The following TRIM2 variants were observed in gnomAD, a reference collection of about 807,000 sequenced individuals.
TRIM2 encodes tripartite motif containing 2, also known as tripartite motif-containing protein 2.
A neutral mutation model predicts 75.2 loss-of-function variants in TRIM2; 20 were observed. That is an observed-to-expected ratio of 0.27 (90% CI 0.19 to 0.39). The LOEUF is 0.39. TRIM2 is among the 10% of genes least tolerant of loss of function. The pLI, the probability that TRIM2 is intolerant of heterozygous loss-of-function variation, is 1.00. For synonymous variants in TRIM2, 373 were observed against 388.3 expected (o/e 0.96, Z 0.46); for missense variants, 660 against 990.8 (o/e 0.67, Z 4.48).
At chr4:153,168,169 A>G (rs1730499357) in intron 1 of TRIM2, among the ~76,000 whole-genome samples, 1 of 152,132 alleles carries the variant, frequency 6.6e-6, no homozygotes, top group African/African-American at 2.4e-5. Flanking sequence ...ACATTAGGGA[A>G]TTGGTTAAAT....
intron 1 of TRIM2, among the ~76,000 whole-genome samples, chr4:153,193,321 C>T (rs1338268896): frequency 1.3e-5 from 2 of 151,796 alleles, no homozygotes; most frequent in Non-Finnish European, 1.5e-5. Flanking sequence ...TTAGTAGAGA[C>T]AGGGTTTCAC....
intron 10 of TRIM2, among the ~76,000 whole-genome samples, chr4:153,324,794 C>A (rs994352716): frequency 1.3e-5 from 2 of 152,174 alleles, no homozygotes; most frequent in African/African-American, 4.8e-5. Context: ...CTAGATCAGG[C>A]TTCTCAAGGT....
Position 153,186,078 on chromosome 4 carries a change from C to T in TRIM2, c.-49+32808C>T, listed in dbSNP as rs538326822. Among the ~76,000 whole-genome samples, 53 of 152,192 alleles carry T rather than the reference C, an allele frequency of 3.5e-4. No individual in the cohort carries two copies. The South Asian group carries it at 9.7e-3, about 28-fold the overall frequency. Reference sequence around the variant, plus strand: ...AAGGTGGGGGAAATGCTACTGGTATCGAGTGGGTAGAGGCCAGGGAGGCTG... The same window carrying T: ...AAGGTGGGGGAAATGCTACTGGTATTGAGTGGGTAGAGGCCAGGGAGGCTG... On this transcript the variant is annotated intron_variant, in intron 1 of 11. Coordinates refer to the TRIM2 transcript ENST00000437508.
intron 3 of TRIM2, among the ~76,000 whole-genome samples, chr4:153,283,387 A>G (rs1444268535): frequency 6.6e-6 from 1 of 152,128 alleles, no homozygotes; most frequent in African/African-American, 2.4e-5. Flanking sequence ...GTATATTAGT[A>G]CTCTTTTTAA....
chr4:153,214,402 A>G (rs1453030805), intron 1 of TRIM2, among the ~76,000 whole-genome samples: 2 of 152,208 alleles, frequency 1.3e-5, no homozygotes, highest in Admixed American at 6.5e-5. Flanking sequence ...TCCATTTTAA[A>G]ATGCAAGTTT....
At chr4:153,222,062 A>AAGGAAGGAGGG (rs1740674234) in intron 1 of TRIM2, among the ~76,000 whole-genome samples, 1 of 147,810 alleles carries the variant, frequency 6.8e-6, no homozygotes, top group Non-Finnish European at 1.5e-5. Flanking sequence ...GGGAGGAAGG[A>AAGGAAGGAGGG]AGGAAGGAAA....
upstream of TRIM2, among the ~76,000 whole-genome samples, chr4:153,201,318 T>C (rs114324240): frequency 5.4e-3 from 821 of 152,298 alleles, 7 homozygotes; most frequent in African/African-American, 0.019. Context: ...CATCTTTTCA[T>C]GTGTTTGTTG....
At chr4:153,242,153 C>G (rs9997442) in intron 1 of TRIM2, among the ~76,000 whole-genome samples, 7,566 of 152,158 alleles carry the variant, frequency 0.05, 449 homozygotes, top group African/African-American at 0.15. Flanking sequence ...CCAATTTGAC[C>G]GGATTAAAAG....
At chr4:153,208,294 G>A (rs1736022541) in intron 1 of TRIM2, among the ~76,000 whole-genome samples, 1 of 151,868 alleles carries the variant, frequency 6.6e-6, no homozygotes, top group East Asian at 1.9e-4. Flanking sequence ...TGTCTCAAAA[G>A]GAAAGTACAC....
intron 1 of TRIM2, among the ~76,000 whole-genome samples, chr4:153,244,290 TCCTCCTCCTCCTCCTCCTCC>T (rs1747828016): frequency 3.0e-5 from 1 of 33,404 alleles, no homozygotes; most frequent in African/African-American, 1.7e-4. Context: ...CTCCTCCTCC[TCCTCCTCCTCCTCCTCCTCC>T]TCCTCCTCCT....
Position 153,295,757 on chromosome 4 carries a change from A to C in TRIM2, c.1231A>C (p.Asn411His). The C allele has an allele frequency of 6.2e-7, 1 of 1,614,062 alleles. No individual in the cohort carries two copies. Among genetic ancestry groups the C allele is most frequent in the South Asian group, 1.1e-5 (1 of 91,064 alleles). Reference protein sequence around the residue: ...GSVADGEILDNKNGTYEFLYT... With the variant: ...GSVADGEILDHKNGTYEFLYT... ...CGTGGCAGACGGGGAGATCCTGGAC[A>C]ACAAGAACGGCACCTATGAGTTTTT... Residue 411 changes from asparagine (N) to histidine (H), a missense_variant, in exon 6 of 12, where the codon AAC becomes CAC. By Grantham distance (68) the Asn-to-His change is moderately conservative. This residue lies in a region of TRIM2 where 620 missense variants were observed against 891.0 expected (regional missense o/e 0.70). Transcript: ENST00000338700. This position sits in a 1 kb window ranked among gnomAD's most constrained non-coding sequence, Gnocchi z 7.2.
chr4:153,320,320 A>G (rs913546643), intron 8 of TRIM2, among the ~76,000 whole-genome samples: 1 of 152,242 alleles, frequency 6.6e-6, no homozygotes, highest in Non-Finnish European at 1.5e-5. Context: ...ACTTAGAAGA[A>G]TAAAAGGAGC....
rs546525981 is a variant in TRIM2, at chr4:153,250,278, C to T, written c.31-20057C>T. 2.6e-5 allele frequency among the ~76,000 whole-genome samples: 4 copies of T among 152,220 alleles called. No individual in the cohort carries two copies. The East Asian group carries it at 7.7e-4, about 29-fold the overall frequency. Reference sequence around the variant, plus strand: ...GGGACTACAGGCACGCGCCACCATGCCTGGCTAATTTATGTATTTTTAGTA... The same window carrying T: ...GGGACTACAGGCACGCGCCACCATGTCTGGCTAATTTATGTATTTTTAGTA... On this transcript the variant is annotated intron_variant, in intron 1 of 11. Transcript: ENST00000338700.
At chr4:153,316,274 C>T (rs748406125) in intron 8 of TRIM2, among the ~76,000 whole-genome samples, 3 of 152,014 alleles carry the variant, frequency 2.0e-5, no homozygotes, top group Non-Finnish European at 4.4e-5. Flanking sequence ...GAAACTGGTC[C>T]TGTTACCTCA....
intron 1 of TRIM2, among the ~76,000 whole-genome samples, chr4:153,214,183 C>T (rs1737844276): frequency 6.6e-6 from 1 of 152,132 alleles, no homozygotes; most frequent in Non-Finnish European, 1.5e-5. Flanking sequence ...AAGTGCTTTT[C>T]AATAACACTG....
Position 153,336,743 on chromosome 4 carries a change from A to G in TRIM2, c.*1777A>G. ...TTCTTAAAATTTAGAAGGGAAATCT[A>G]GCTACTTCAAATTGTCTGTTAAATT... On this transcript the variant is annotated 3_prime_UTR_variant, in exon 12 of 12. Transcript: ENST00000338700. 1.0e-6 allele frequency: 1 copy of G among 985,574 alleles called. No individual in the cohort carries two copies. Among genetic ancestry groups the G allele is most frequent in the Non-Finnish European group, 1.2e-6 (1 of 829,676 alleles). 61.1% of individuals were successfully genotyped at this position (985,574 alleles called of 1,614,324 possible).
intron 6 of TRIM2, among the ~76,000 whole-genome samples, chr4:153,297,109 C>A (rs2405971): frequency 0.61 from 92,661 of 152,068 alleles, 29,238 homozygotes; most frequent in African/African-American, 0.76. Flanking sequence ...AACTTTTTCC[C>A]TGGAACGTCT....
intron 11 of TRIM2, among the ~76,000 whole-genome samples, chr4:153,333,253 C>G (rs1771892020): frequency 6.6e-6 from 1 of 151,918 alleles, no homozygotes; most frequent in Admixed American, 6.6e-5. Flanking sequence ...TATTTGTGTA[C>G]CATTCTCAAA....
chr4:153,167,741 T>G (rs1730456270), intron 1 of TRIM2, among the ~76,000 whole-genome samples: 1 of 152,158 alleles, frequency 6.6e-6, no homozygotes. Context: ...AACAATTGCC[T>G]GGAGAAAACT....
Sources: gnomAD v4.1 joint callset for allele counts (sites outside exome capture counted in the v4.1 genomes callset) on GRCh38, gnomAD v4.1.1 for gene constraint, gnomAD v4.1.1 regional missense constraint, Gnocchi (gnomAD v3.1) non-coding constraint, MANE v1.5 for transcripts, NCBI Gene and HGNC (gene_info 2026-07-23, HGNC 2026-07-21) for gene names.